Variants in MAST4 observed in about 807,000 individuals in gnomAD.
MAST4 encodes microtubule associated serine/threonine kinase family member 4, also known as microtubule-associated serine/threonine-protein kinase 4.
In MAST4, 89 loss-of-function variants were observed where a neutral mutation model predicts 162.7. The observed-to-expected ratio is 0.55, with a 90% CI of 0.46 to 0.65. MAST4 has a LOEUF of 0.65. Ranked by LOEUF, MAST4 falls within the 30% of genes least tolerant of loss-of-function variation. MAST4 has a pLI of 0.00. For synonymous variants in MAST4, 1,479 were observed against 1,361.1 expected (o/e 1.09, Z -1.91); for missense variants, 3,153 against 3,374.0 (o/e 0.93, Z 1.62).
chr5:66,909,764 TC>T (rs1763621409), intron 4 of MAST4, among the ~76,000 whole-genome samples: 1 of 151,526 alleles, frequency 6.6e-6, no homozygotes, highest in Non-Finnish European at 1.5e-5. Context: ...ATTGTAAAAA[TC>T]CCCACGTCAA....
At chr5:66,767,644 T>G (rs1486566815) in intron 2 of MAST4, among the ~76,000 whole-genome samples, 1 of 151,924 alleles carries the variant, frequency 6.6e-6, no homozygotes, top group Non-Finnish European at 1.5e-5. Context: ...GGGAGTTTAT[T>G]AAGTATTAAC....
intron 1 of MAST4, among the ~76,000 whole-genome samples, chr5:66,750,893 T>C (rs377165013): frequency 5.5e-4 from 84 of 152,292 alleles, no homozygotes; most frequent in East Asian, 4.3e-3. Context: ...CTTAAATGTC[T>C]CTGTCTGACA....
chr5:67,093,176 T>G, intron 6 of MAST4, among the ~76,000 whole-genome samples: 1 of 152,220 alleles, frequency 6.6e-6, no homozygotes, highest in African/African-American at 2.4e-5. Context: ...GTTATTTTTT[T>G]GCTGATCTTT....
At chr5:67,144,279 T>G (rs1052108011) in intron 21 of MAST4, among the ~76,000 whole-genome samples, 7 of 152,216 alleles carry the variant, frequency 4.6e-5, no homozygotes, top group Non-Finnish European at 7.3e-5. Context: ...CCATTAAATC[T>G]GTTTCTCTGT....
At chr5:66,780,575 T>C (rs1161609409) in intron 2 of MAST4, among the ~76,000 whole-genome samples, 1 of 152,154 alleles carries the variant, frequency 6.6e-6, no homozygotes, top group African/African-American at 2.4e-5. Context: ...GCAAGATTTA[T>C]TGTGAAGAGT....
At chr5:66,814,806 G>A (rs1756643196) in intron 3 of MAST4, among the ~76,000 whole-genome samples, 1 of 151,874 alleles carries the variant, frequency 6.6e-6, no homozygotes, top group East Asian at 1.9e-4. Flanking sequence ...AATGCTAATA[G>A]ACTTGTTGAA....
chr5:66,958,956 T>TAA, intron 4 of MAST4: 4 of 376,904 alleles, frequency 1.1e-5, no homozygotes, highest in African/African-American at 2.1e-5. Context: ...GCGACTTTCT[T>TAA]TAAAAAAAAA....
At chr5:67,145,737 A>G (rs963149770) in intron 23 of MAST4, among the ~76,000 whole-genome samples, 38 of 152,194 alleles carry the variant, frequency 2.5e-4, no homozygotes, top group African/African-American at 8.9e-4. Context: ...AGTTGCATCT[A>G]ACTCAAAAGT....
chr5:66,928,369 G>T (rs1180440348), intron 4 of MAST4, among the ~76,000 whole-genome samples: 1 of 152,206 alleles, frequency 6.6e-6, no homozygotes, highest in Non-Finnish European at 1.5e-5. Context: ...ACAGGGATAA[G>T]ACAAATTACT....
At chr5:66,792,010 A>G (rs1755434941) in intron 3 of MAST4, among the ~76,000 whole-genome samples, 1 of 152,112 alleles carries the variant, frequency 6.6e-6, no homozygotes, top group African/African-American at 2.4e-5. Context: ...CACTTGTCGA[A>G]CCACACAGCT....
rs1236496754 is a variant in MAST4 at position 66,837,886 on chromosome 5, ATATATATATTTTTTTTTTTTT to A, written c.642+49094_642+49114del. ...ATTTTATATATATATATATATATAT[ATATATATATTTTTTTTTTTTT>A]TTTTTTTTTTAATGTGGAGGTGTTT... On this transcript the variant is annotated intron_variant, in intron 3 of 28. Transcript: ENST00000403625. Among the ~76,000 whole-genome samples the A allele has an allele frequency of 5.9e-4, 31 of 52,840 alleles. 1 individual carries two copies. The highest frequency in any genetic ancestry group is 3.2e-3 in the East Asian group (4 of 1,266). 34.7% of individuals were successfully genotyped at this position (52,840 alleles called of 152,430 possible). A position where few individuals can be genotyped will look rare whatever the true frequency, so the allele number is the denominator to read the frequency against.
At chr5:66,808,703 T>C (rs1189505231) in intron 3 of MAST4, among the ~76,000 whole-genome samples, 1 of 152,192 alleles carries the variant, frequency 6.6e-6, no homozygotes, top group African/African-American at 2.4e-5. Context: ...TTGCCCTGCA[T>C]TTGGTAGTGC....
intron 1 of MAST4, among the ~76,000 whole-genome samples, chr5:66,745,895 T>C (rs764466311): frequency 6.6e-6 from 1 of 152,182 alleles, no homozygotes; most frequent in Non-Finnish European, 1.5e-5. Context: ...TGATAGAGTA[T>C]GTGGGAGTAG....
At chr5:66,646,473 A>C (rs12517623) in intron 1 of MAST4, among the ~76,000 whole-genome samples, 2 of 152,046 alleles carry the variant, frequency 1.3e-5, no homozygotes, top group Non-Finnish European at 2.9e-5. Context: ...AAAAAGTGAC[A>C]TTCTGTTCCT....
chr5:66,697,310 C>T (rs903301971), intron 1 of MAST4, among the ~76,000 whole-genome samples: 1 of 152,020 alleles, frequency 6.6e-6, no homozygotes, highest in African/African-American at 2.4e-5. Context: ...TCCAAGTGAC[C>T]GATGTACGAT....
intron 4 of MAST4, among the ~76,000 whole-genome samples, chr5:67,034,080 C>T (rs1343800252): frequency 6.6e-6 from 1 of 152,140 alleles, no homozygotes; most frequent in Non-Finnish European, 1.5e-5. Context: ...AATGTCTTAT[C>T]TAGCTTTGTA....
chr5:67,047,642 G>A (rs572292937), intron 4 of MAST4, among the ~76,000 whole-genome samples: 2 of 152,278 alleles, frequency 1.3e-5, no homozygotes, highest in African/African-American at 4.8e-5. Context: ...GCTCCCTTGA[G>A]AGCAGAGATT....
chr5:67,083,175 A>G (rs1026471497), intron 5 of MAST4, among the ~76,000 whole-genome samples: 10 of 152,352 alleles, frequency 6.6e-5, no homozygotes, highest in African/African-American at 2.2e-4. Flanking sequence ...TTATTTTATT[A>G]TGAAGCAACA....
chr5:66,871,920 A>G (rs557519069), intron 3 of MAST4, among the ~76,000 whole-genome samples: 1 of 152,276 alleles, frequency 6.6e-6, no homozygotes, highest in African/African-American at 2.4e-5. Flanking sequence ...TTGCCAATTC[A>G]CTTATCTTAA....
Sources: gnomAD v4.1 joint callset for allele counts (sites outside exome capture counted in the v4.1 genomes callset) on GRCh38, gnomAD v4.1.1 for gene constraint, MANE v1.5 for transcripts, NCBI Gene and HGNC (gene_info 2026-07-23, HGNC 2026-07-21) for gene names.